PML: variants seen among roughly 807,000 people sequenced by gnomAD.
PML encodes the protein PML nuclear body scaffold, also known as protein PML.
A neutral mutation model predicts 65.2 loss-of-function variants in PML; 28 were observed. That is an observed-to-expected ratio of 0.43 (90% CI 0.32 to 0.59). PML has a LOEUF of 0.59. PML is among the 20% of genes least tolerant of loss of function. The pLI, the probability that PML is intolerant of heterozygous loss-of-function variation, is 0.08. For missense variants in PML, 1,021 were observed against 1,203.4 expected (o/e 0.85, Z 2.24); for synonymous variants, 500 against 508.8 (o/e 0.98, Z 0.23).
At chr15:74,034,969 C>G in intron 7 of PML, 1 of 1,477,030 alleles carries the variant, frequency 6.8e-7, no homozygotes, top group Non-Finnish European at 8.9e-7. Flanking sequence ...TTGACTCCAT[C>G]CATGTAGAAA....
At chr15:73,995,017 C>G (rs1449959843) in intron 1 of PML, 76 bp downstream of exon 1, 1 of 1,343,802 alleles carries the variant, frequency 7.4e-7, no homozygotes, top group African/African-American at 1.5e-5. Flanking sequence ...AAGAGAGGGT[C>G]TAACGGAGGA....
rs1567136683 is a variant in PML, at chr15:74,034,494, G to T, written c.1674G>T (p.Val558=). 2 of 1,614,212 alleles carry T rather than the reference G, an allele frequency of 1.2e-6. No homozygotes were observed. The highest frequency in any genetic ancestry group is 1.7e-6 in the Non-Finnish European group (2 of 1,180,044). ...CCGTTTCAGAGGAACGCGTTGTGGT[G>T]ATCAGCAGCTCGGAAGACTCAGATG... ...GAGEAEERVV[V]ISSSEDSDAE... Residue 558 remains valine (V), a synonymous_variant, in exon 7 of 9, where the codon GTG becomes GTT. Coordinates refer to ENST00000268058, the MANE Select transcript of PML (RefSeq NM_033238.3).
chr15:74,038,044 C>G (rs1326339695), intron 7 of PML, among the ~76,000 whole-genome samples: 2 of 152,148 alleles, frequency 1.3e-5, no homozygotes, highest in African/African-American at 4.8e-5. Flanking sequence ...CATAGCCACC[C>G]AGGGCACCCC....
intron 7 of PML, chr15:74,041,251 C>T (rs2071689578): frequency 6.6e-6 from 1 of 152,384 alleles, no homozygotes; most frequent in Non-Finnish European, 1.5e-5. Context: ...AGCCCAGCCC[C>T]TCCACCAGCT....
chr15:74,022,813 C>A lies in PML; in HGVS notation c.603-15C>A. On this transcript the variant is annotated splice_polypyrimidine_tract_variant and intron_variant, in intron 2 of 8. Coordinates refer to ENST00000268058, the MANE Select transcript of PML (RefSeq NM_033238.3). Reference sequence around the variant, plus strand: ...CAGGAGAGTCCTAACCCAGGCCAACCTTGTGTGTCCACAGCATCTACTGCC... The same window carrying A: ...CAGGAGAGTCCTAACCCAGGCCAACATTGTGTGTCCACAGCATCTACTGCC... The A allele has an allele frequency of 6.2e-7, 1 of 1,612,232 alleles. No homozygotes were observed. The highest frequency in any genetic ancestry group is 1.1e-5 in the South Asian group (1 of 90,970).
In PML at chr15:74,035,775, A is replaced by G. The variant is rs743580; in HGVS notation, c.1710+1245A>G. 813,944 of 1,613,706 alleles carry G rather than the reference A, an allele frequency of 0.5. 206,528 individuals are homozygous for G. The highest frequency in any genetic ancestry group is 0.65 in the East Asian group (29,090 of 44,828). ...GTCTTCCGTGGTGGGGGCAGGGGAA[A>G]GCAGAGCCCAGACTCTTGGAGCAGG... On this transcript the variant is annotated intron_variant, in intron 7 of 8. Transcript: ENST00000268058. The surrounding 1 kb of genome is among the most constrained non-coding windows in gnomAD (Gnocchi z 4.1).
chr15:74,018,135 C>G (rs982166933), intron 2 of PML, among the ~76,000 whole-genome samples: 1 of 151,762 alleles, frequency 6.6e-6, no homozygotes, highest in Non-Finnish European at 1.5e-5. Context: ...GCCTGGCCAA[C>G]ATGGTGAAAC....
At chr15:74,020,936 A>C (rs2070808992) in intron 2 of PML, among the ~76,000 whole-genome samples, 1 of 152,196 alleles carries the variant, frequency 6.6e-6, no homozygotes, top group South Asian at 2.1e-4. Flanking sequence ...CGTTGAACCC[A>C]CCCAGATAAT....
Position 74,044,222 on chromosome 15 carries a change from C to T in PML, c.1863C>T (p.Thr621=), listed in dbSNP as rs746072434. The T allele has an allele frequency of 3.1e-6, 5 of 1,613,828 alleles. No individual in the cohort carries two copies. In the South Asian group the frequency reaches 4.4e-5, roughly 14 times the overall value. The change falls in exon 9 of 9, where the codon ACC becomes ACT. Residue 621 remains threonine, a splice_region_variant and synonymous_variant. Transcript: ENST00000268058. ...VFFDLKIDNE[T]QKISQLAAVN... ...ACCCTGCCCTTCTCTCCTGCCCAGC[C>T]CAGAAGATTAGCCAGCTGGCTGCGG...
chr15:74,018,847 T>C (rs2070712704), intron 2 of PML, among the ~76,000 whole-genome samples: 1 of 152,216 alleles, frequency 6.6e-6, no homozygotes, highest in South Asian at 2.1e-4. Context: ...ATAGATGTTA[T>C]TTCGCCTTTC....
chr15:73,998,330 C>T lies in PML; in HGVS notation c.456C>T (p.Phe152=). ...ECEQLLCAKC[F]EAHQWFLKHE... Reference sequence around the variant, plus strand: ...AGCAGCTCCTCTGCGCCAAGTGCTTCGAGGCACACCAGTGGTTCCTCAAGC... The same window carrying T: ...AGCAGCTCCTCTGCGCCAAGTGCTTTGAGGCACACCAGTGGTTCCTCAAGC... The change falls in exon 2 of 9, where the codon TTC becomes TTT. Residue 152 remains phenylalanine (F), a synonymous_variant. Transcript: ENST00000268058. The T allele has an allele frequency of 6.2e-7, 1 of 1,614,178 alleles. No individual in the cohort carries two copies. Among genetic ancestry groups the T allele is most frequent in the Non-Finnish European group, 8.5e-7 (1 of 1,180,036 alleles).
rs765368853 is a variant in PML, at chr15:73,998,229, T to A, written c.355T>A (p.Tyr119Asn). 6.2e-7 allele frequency: 1 copy of A among 1,614,218 alleles called. No homozygotes were observed. The highest frequency in any genetic ancestry group is 1.1e-5 in the South Asian group (1 of 91,088). ...GAGTCTGCAGCGGCGCCTGTCGGTG[T>A]ACCGGCAGATTGTGGATGCGCAGGC... ...FESLQRRLSVYRQIVDAQAVC... is the reference protein window; with the variant it reads ...FESLQRRLSVNRQIVDAQAVC... The change falls in exon 2 of 9, where the codon TAC (tyrosine) becomes AAC (asparagine). Residue 119 changes from tyrosine (Y) to asparagine (N), a missense_variant. Physicochemically the swap from Tyr to Asn is moderately radical, Grantham distance 143 (BLOSUM62 -2). Transcript: ENST00000268058.
chr15:74,023,159 A>T lies in PML; in HGVS notation c.934A>T (p.Met312Leu). ...DARYQRDYEE[M>L]ASRLGRLDAV... ...GCGGTACCAGCGCGACTACGAGGAGATGGCCAGTCGGCTGGGCCGCCTGGA... is the reference window on the plus strand; with the variant it reads ...GCGGTACCAGCGCGACTACGAGGAGTTGGCCAGTCGGCTGGGCCGCCTGGA... The change falls in exon 3 of 9, where the codon ATG becomes TTG. Residue 312 changes from methionine (M) to leucine (L), a missense_variant. Coordinates refer to ENST00000268058, the MANE Select transcript of PML (RefSeq NM_033238.3). 1 of 1,605,422 alleles carries T rather than the reference A, an allele frequency of 6.2e-7. No homozygotes were observed. The highest frequency in any genetic ancestry group is 8.5e-7 in the Non-Finnish European group (1 of 1,177,580).
At chr15:74,002,613 T>TG (rs1179741716) in intron 2 of PML, among the ~76,000 whole-genome samples, 1 of 147,164 alleles carries the variant, frequency 6.8e-6, no homozygotes, top group Non-Finnish European at 1.5e-5. Flanking sequence ...CCGGCTAAGT[T>TG]TTTTTTTTTT....
At chr15:74,022,035 G>A (rs1166593687) in intron 2 of PML, among the ~76,000 whole-genome samples, 4 of 152,286 alleles carry the variant, frequency 2.6e-5, no homozygotes, top group South Asian at 2.1e-4. Flanking sequence ...TGGGCTCACC[G>A]CAGCCTCCGC....
chr15:74,025,951 A>G (rs2071053287), intron 4 of PML: 1 of 152,364 alleles, frequency 6.6e-6, no homozygotes, highest in Non-Finnish European at 1.5e-5. Flanking sequence ...GGCATGACCC[A>G]TAGGAGAGAG....
At chr15:74,036,370 T>G (rs1595919174) in intron 7 of PML, 1 of 1,389,076 alleles carries the variant, frequency 7.2e-7, no homozygotes, top group Non-Finnish European at 9.3e-7. Context: ...ATGTGGCTGC[T>G]CAATAAACAC....
Position 74,044,931 on chromosome 15 carries a change from G to C in PML, c.2572G>C (p.Ala858Pro). 6.2e-7 allele frequency: 1 copy of C among 1,613,234 alleles called. No homozygotes were observed. The highest frequency in any genetic ancestry group is 8.5e-7 in the Non-Finnish European group (1 of 1,179,990). ...CTTTGAAGGCCTGTTGGAGGGTCCGGCGCTGGCACGGGCAGAAGGAGTCTC... is the reference window on the plus strand; with the variant it reads ...CTTTGAAGGCCTGTTGGAGGGTCCGCCGCTGGCACGGGCAGAAGGAGTCTC... Reference protein sequence around the residue: ...TYFEGLLEGPALARAEGVSTP... With the variant: ...TYFEGLLEGPPLARAEGVSTP... Residue 858 changes from alanine to proline, a missense_variant, in exon 9 of 9, where the codon GCG (alanine) becomes CCG (proline). Transcript: ENST00000268058.
rs768601255 is a variant in PML at position 74,044,634 on chromosome 15, G to T, written c.2275G>T (p.Val759Phe). 3 of 1,605,916 alleles carry T rather than the reference G, an allele frequency of 1.9e-6. No homozygotes were observed. The highest frequency in any genetic ancestry group is 8.5e-7 in the Non-Finnish European group (1 of 1,179,894). Residue 759 changes from valine to phenylalanine, a missense_variant, in exon 9 of 9, where the codon GTC (valine) becomes TTC (phenylalanine). Coordinates refer to ENST00000268058, the MANE Select transcript of PML (RefSeq NM_033238.3). Reference sequence around the variant, plus strand: ...GCGTGACCTGTGCCGCCTCCTCGAGGTCTCCCCGGGCCCCCAGCTGGCCCA... The same window carrying T: ...GCGTGACCTGTGCCGCCTCCTCGAGTTCTCCCCGGGCCCCCAGCTGGCCCA... ...AMRDLCRLLE[V>F]SPGPQLAQHV... is the part of the protein sequence containing the mutation.
Sources: gnomAD v4.1 joint callset for allele counts (sites outside exome capture counted in the v4.1 genomes callset) on GRCh38, gnomAD v4.1.1 for gene constraint, Gnocchi (gnomAD v3.1) non-coding constraint, MANE v1.5 for transcripts, NCBI Gene and HGNC (gene_info 2026-07-23, HGNC 2026-07-21) for gene names.